Variants in CHCHD6 observed in about 807,000 individuals in gnomAD.
The protein encoded by CHCHD6 is MICOS complex subunit MIC25.
Under a neutral mutation model 32.3 loss-of-function variants are expected in CHCHD6, and 28 were observed. That is an observed-to-expected ratio of 0.87 (90% CI 0.64 to 1.19). The LOEUF (loss-of-function observed/expected upper bound fraction) is 1.19. Ranked by LOEUF, CHCHD6 falls within the 50% of genes most tolerant of loss-of-function variation. The probability of loss-of-function intolerance (pLI) is 0.00; values close to 1 mark genes in which losing one functional copy is unlikely to be tolerated. For missense variants in CHCHD6, 333 were observed against 307.0 expected (o/e 1.08, Z -0.63); for synonymous variants, 122 against 117.5 (o/e 1.04, Z -0.25).
At chr3:126,919,317 C>CTTTTTTTTTTTTTTTTTTTT (rs756862821) in intron 6 of CHCHD6, among the ~76,000 whole-genome samples, 3 of 68,128 alleles carry the variant, frequency 4.4e-5, no homozygotes, top group Non-Finnish European at 1.0e-4. Context: ...TTTCTTTTTT[C>CTTTTTTTTTTTTTTTTTTTT]TTTTTTTTTT....
intron 1 of CHCHD6, among the ~76,000 whole-genome samples, chr3:126,717,592 G>T (rs2107652829): frequency 6.6e-6 from 1 of 152,294 alleles, no homozygotes; most frequent in Admixed American, 6.5e-5. Context: ...ACAAAGGGAG[G>T]CCTTATCTCT....
chr3:126,947,253 C>T (rs114847075), intron 6 of CHCHD6, among the ~76,000 whole-genome samples: 2,247 of 152,362 alleles, frequency 0.015, 28 homozygotes, highest in Non-Finnish European at 0.022. Context: ...TTTCTTCCCA[C>T]CTCATGTTGA....
At chr3:126,910,868 T>C (rs950984298) in intron 5 of CHCHD6, among the ~76,000 whole-genome samples, 3 of 151,980 alleles carry the variant, frequency 2.0e-5, no homozygotes. Flanking sequence ...GTGGGGCACA[T>C]GTGTGTGCTC....
At chr3:126,740,549 G>A (rs1158621408) in intron 4 of CHCHD6, among the ~76,000 whole-genome samples, 1 of 152,158 alleles carries the variant, frequency 6.6e-6, no homozygotes, top group Non-Finnish European at 1.5e-5. Flanking sequence ...CTCCTGCTCT[G>A]AATGTCCAGG....
At chr3:126,800,201 G>A (rs1343632645) in intron 4 of CHCHD6, among the ~76,000 whole-genome samples, 1 of 152,128 alleles carries the variant, frequency 6.6e-6, no homozygotes, top group Non-Finnish European at 1.5e-5. Context: ...AAAACTCAAC[G>A]ATTGTAAGGA....
At chr3:126,801,616 C>T (rs1335933356) in intron 4 of CHCHD6, among the ~76,000 whole-genome samples, 1 of 152,230 alleles carries the variant, frequency 6.6e-6, no homozygotes, top group East Asian at 1.9e-4. Flanking sequence ...CCTCTGTAGG[C>T]TCCACCTCTG....
In CHCHD6 at chr3:126,957,516, A is replaced by G. The variant is rs149717249; in HGVS notation, c.667A>G (p.Lys223Glu). The G allele has an allele frequency of 3.1e-6, 5 of 1,587,890 alleles. No individual in the cohort carries two copies. In the East Asian group the frequency reaches 7.0e-5, roughly 22 times the overall value. The change falls in exon 7 of 8, where the codon AAG becomes GAG. Residue 223 changes from lysine to glutamate, a missense_variant. Coordinates refer to ENST00000290913, the MANE Select transcript of CHCHD6 (RefSeq NM_032343.3). The stretch of plus-strand genomic sequence containing the variant: ...GGTGCTGCTGTGCTCGGACCTGGTC[A>G]AGGCATACCAGCGCTGCGTGAGCGC... ...HEVLLCSDLV[K>E]AYQRCVSAAH...
intron 4 of CHCHD6, among the ~76,000 whole-genome samples, chr3:126,846,235 C>CA (rs1332644170): frequency 1.3e-5 from 2 of 152,178 alleles, no homozygotes; most frequent in Admixed American, 1.3e-4. Context: ...CAACCTGACT[C>CA]AGAGGTTGCC....
chr3:126,864,958 T>TCCTCCTCCA lies in CHCHD6; in HGVS notation c.495+12230_495+12231insTCCTCCACC, dbSNP rs1438680539. 4.7e-3 allele frequency among the ~76,000 whole-genome samples: 697 copies of TCCTCCTCCA among 147,744 alleles called. 4 individuals are homozygous for TCCTCCTCCA. The highest frequency in any genetic ancestry group is 6.9e-3 in the Non-Finnish European group (463 of 66,818). On this transcript the variant is annotated intron_variant, in intron 5 of 7. Coordinates refer to ENST00000290913, the MANE Select transcript of CHCHD6 (RefSeq NM_032343.3). ...CTCCTCCTCCACCATCATCTCCTCC[T>TCCTCCTCCA]CCATCACCACCTCCATCATCACCAC...
At chr3:126,877,483 A>G (rs1179664918) in intron 5 of CHCHD6, among the ~76,000 whole-genome samples, 1 of 151,690 alleles carries the variant, frequency 6.6e-6, no homozygotes, top group Non-Finnish European at 1.5e-5. Flanking sequence ...TGAACCCGGG[A>G]GGCGGAGCTT....
At chr3:126,914,431 C>T (rs56078694) in intron 5 of CHCHD6, among the ~76,000 whole-genome samples, 3,865 of 152,248 alleles carry the variant, frequency 0.025, 60 homozygotes, top group Middle Eastern at 0.061. Flanking sequence ...GGATTTTGCC[C>T]GTGGATCGTG....
intron 4 of CHCHD6, among the ~76,000 whole-genome samples, chr3:126,784,597 G>A (rs1034956878): frequency 5.3e-5 from 8 of 152,122 alleles, no homozygotes; most frequent in Non-Finnish European, 7.3e-5. Context: ...CAACAGCACC[G>A]TCCCACCCTC....
chr3:126,863,996 C>A (rs1942118000), intron 5 of CHCHD6, among the ~76,000 whole-genome samples: 1 of 149,346 alleles, frequency 6.7e-6, no homozygotes, highest in African/African-American at 2.5e-5. Context: ...ACCATCACTA[C>A]CTTCTCCCCC....
chr3:126,848,225 C>CT (rs1941358774), intron 4 of CHCHD6, among the ~76,000 whole-genome samples: 1 of 152,188 alleles, frequency 6.6e-6, no homozygotes, highest in Non-Finnish European at 1.5e-5. Context: ...ATCCTCCCGA[C>CT]TTTTTATCTT....
At chr3:126,935,071 A>C in intron 6 of CHCHD6, 3 of 952,578 alleles carry the variant, frequency 3.1e-6, no homozygotes, top group African/African-American at 1.8e-5. Context: ...TTTGGAAAGA[A>C]TATCTATCTT....
At chr3:126,930,458 T>C (rs1345265236) in intron 6 of CHCHD6, among the ~76,000 whole-genome samples, 1 of 152,246 alleles carries the variant, frequency 6.6e-6, no homozygotes, top group Non-Finnish European at 1.5e-5. Flanking sequence ...GCTGCAGTCA[T>C]GGGAAGTCAC....
At chr3:126,819,849 G>A (rs977819791) in intron 4 of CHCHD6, among the ~76,000 whole-genome samples, 1 of 152,258 alleles carries the variant, frequency 6.6e-6, no homozygotes, top group Non-Finnish European at 1.5e-5. Context: ...AAGATTACGG[G>A]ACTTTGCTCT....
At chr3:126,853,877 A>T (rs1335605418) in intron 5 of CHCHD6, among the ~76,000 whole-genome samples, 1 of 152,198 alleles carries the variant, frequency 6.6e-6, no homozygotes, top group East Asian at 1.9e-4. Flanking sequence ...GGTAAAAAAA[A>T]TTCCACCAGC....
At chr3:126,897,053 T>C (rs2077850757) in intron 5 of CHCHD6, among the ~76,000 whole-genome samples, 2 of 151,932 alleles carry the variant, frequency 1.3e-5, no homozygotes, top group African/African-American at 2.4e-5. Flanking sequence ...TGTGGAGAGT[T>C]GGATGGGAGC....
Sources: allele counts gnomAD v4.1 joint callset (sites outside exome capture counted in the v4.1 genomes callset), GRCh38; gene constraint gnomAD v4.1.1; transcripts MANE v1.5; gene names NCBI Gene and HGNC (gene_info 2026-07-23, HGNC 2026-07-21).